Variants in CLVS2 observed in about 807,000 individuals in gnomAD.
CLVS2 encodes clavesin 2.
CLVS2 carries 19 observed loss-of-function variants against 29.0 expected under a neutral mutation model. That is an observed-to-expected ratio of 0.66 (90% CI 0.46 to 0.96). The LOEUF (loss-of-function observed/expected upper bound fraction) is 0.96, where lower values mean the gene tolerates loss of function less well. Ranked by LOEUF, CLVS2 falls within the 40% of genes least tolerant of loss-of-function variation. The pLI is 0.00. For missense variants in CLVS2, 294 were observed against 404.1 expected (o/e 0.73, Z 2.34); for synonymous variants, 161 against 151.3 (o/e 1.06, Z -0.47).
intron 2 of CLVS2, among the ~76,000 whole-genome samples, chr6:122,999,875 A>G (rs983469372): frequency 1.3e-5 from 2 of 152,190 alleles, no homozygotes; most frequent in Admixed American, 1.3e-4. Flanking sequence ...ACTAATATTC[A>G]TAATTATTTG....
At chr6:123,032,491 T>C (rs1054427246) in intron 3 of CLVS2, among the ~76,000 whole-genome samples, 2 of 152,132 alleles carry the variant, frequency 1.3e-5, no homozygotes, top group Non-Finnish European at 2.9e-5. Flanking sequence ...GAAGCAGGCA[T>C]TGGTGTCTTA....
intron 4 of CLVS2, among the ~76,000 whole-genome samples, chr6:123,052,147 G>A (rs1487169198): frequency 6.6e-6 from 1 of 152,184 alleles, no homozygotes; most frequent in Non-Finnish European, 1.5e-5. Flanking sequence ...TTAGAAGTTG[G>A]GAGGTGCTGT....
At position 123,022,964 on chromosome 6, in the gene CLVS2, A is replaced by G. The variant is rs899779558; in HGVS notation, c.564+11805A>G. ...ACATAAGGTGGATGATAAACATCAA[A>G]GCAGGTCCTATTAAATGCTAAATGT... On this transcript the variant is annotated intron_variant, in intron 3 of 5. Coordinates refer to ENST00000275162, the MANE Select transcript of CLVS2 (RefSeq NM_001010852.4). Among the ~76,000 whole-genome samples, 6 of 152,156 alleles carry G rather than the reference A, an allele frequency of 3.9e-5. No individual in the cohort carries two copies. In the East Asian group the frequency reaches 1.2e-3, roughly 29 times the overall value.
intron 3 of CLVS2, among the ~76,000 whole-genome samples, chr6:123,014,069 C>A (rs1183183030): frequency 5.9e-5 from 9 of 152,088 alleles, no homozygotes; most frequent in Non-Finnish European, 1.3e-4. Flanking sequence ...CGTTGTTGGA[C>A]ATTTAGGTTG....
intron 2 of CLVS2, among the ~76,000 whole-genome samples, chr6:123,005,963 T>G (rs796219171): frequency 2.6e-4 from 40 of 152,382 alleles, no homozygotes; most frequent in African/African-American, 9.1e-4. Context: ...TATATTATTG[T>G]GCACCCACAG....
intron 4 of CLVS2, among the ~76,000 whole-genome samples, chr6:123,052,866 G>C (rs1772633494): frequency 6.7e-6 from 1 of 149,752 alleles, no homozygotes; most frequent in Non-Finnish European, 1.5e-5. Context: ...TTTAAGTGGA[G>C]AGTGGAAATA....
At position 122,997,667 on chromosome 6, in the gene CLVS2, AAGCAGGC is replaced by A; in HGVS notation, c.-104_-98del. On this transcript the variant is annotated 5_prime_UTR_variant, in exon 2 of 6. Transcript: ENST00000275162. Reference sequence around the variant, plus strand: ...TTATTAATTTCCTGTAGGGGAGAGGAAGCAGGCAGCAGGAGGTCTGGGGGCTGGAGTC... The same window carrying A: ...TTATTAATTTCCTGTAGGGGAGAGGAAGCAGGAGGTCTGGGGGCTGGAGTC... The A allele has an allele frequency of 1.0e-6, 1 of 990,276 alleles. No homozygotes were observed. Among genetic ancestry groups the A allele is most frequent in the Non-Finnish European group, 1.5e-6 (1 of 657,736 alleles). 61.3% of individuals were successfully genotyped at this position (990,276 alleles called of 1,614,324 possible).
In CLVS2 at chr6:123,019,830, T is replaced by C. The variant is rs1257660236; in HGVS notation, c.564+8671T>C. On this transcript the variant is annotated intron_variant, in intron 3 of 5. Coordinates refer to ENST00000275162, the MANE Select transcript of CLVS2 (RefSeq NM_001010852.4). ...TTGAGACCTTGCAGGGCTGATGGTA[T>C]AGGTCCAGTTCAAGTCCAAAGGTCT... 4.6e-5 allele frequency among the ~76,000 whole-genome samples: 7 copies of C among 152,022 alleles called. No individual in the cohort carries two copies. The East Asian group carries it at 1.2e-3, about 25-fold the overall frequency.
intron 3 of CLVS2, among the ~76,000 whole-genome samples, chr6:123,017,728 G>T: frequency 6.6e-6 from 1 of 152,130 alleles, no homozygotes; most frequent in Non-Finnish European, 1.5e-5. Context: ...CAGCAAGCAG[G>T]CTAAGGATTA....
At position 123,024,355 on chromosome 6, in the gene CLVS2, A is replaced by G. The variant is rs1366270441; in HGVS notation, c.564+13196A>G. Among the ~76,000 whole-genome samples the G allele has an allele frequency of 3.3e-5, 5 of 152,154 alleles. No homozygotes were observed. In the South Asian group the frequency reaches 6.2e-4, roughly 19 times the overall value. On this transcript the variant is annotated intron_variant, in intron 3 of 5. Transcript: ENST00000275162. ...GATTTTCACTTTTGGGAATGTCACA[A>G]ATATTTTCTACTGAAACCACATGAA...
chr6:122,996,803 G>T, intron 1 of CLVS2, 57 bp downstream of exon 1: 1 of 164,090 alleles, frequency 6.1e-6, no homozygotes. Context: ...AAAAGATAAG[G>T]ACATTTTTAT....
chr6:123,062,498 G>T, intron 5 of CLVS2, among the ~76,000 whole-genome samples: 1 of 151,232 alleles, frequency 6.6e-6, no homozygotes, highest in African/African-American at 2.4e-5. Flanking sequence ...TTCCATGATA[G>T]GCATCTAATG....
chr6:123,056,090 C>T, intron 5 of CLVS2, 64 bp downstream of exon 5: 4 of 1,081,732 alleles, frequency 3.7e-6, no homozygotes, highest in Non-Finnish European at 5.6e-6. Flanking sequence ...CTGAGTCAAA[C>T]TCAAAGCTTT....
Position 123,064,627 on chromosome 6 carries a change from C to T in CLVS2, c.*866C>T, listed in dbSNP as rs1772826657. The T allele has an allele frequency of 6.6e-6, 1 of 151,710 alleles. No homozygotes were observed. Among genetic ancestry groups the T allele is most frequent in the Non-Finnish European group, 1.5e-5 (1 of 67,834 alleles). 9.4% of individuals were successfully genotyped at this position (151,710 alleles called of 1,614,324 possible). A position where few individuals can be genotyped will look rare whatever the true frequency, so the allele number is the denominator to read the frequency against. On this transcript the variant is annotated 3_prime_UTR_variant, in exon 6 of 6. Transcript: ENST00000275162. ...TTTTGAACATAAAATTTTCCACTTACAGATGAGGGGCTAATTTCTAATTGT... is the reference window on the plus strand; with the variant it reads ...TTTTGAACATAAAATTTTCCACTTATAGATGAGGGGCTAATTTCTAATTGT...
chr6:123,034,309 A>G (rs1775120952), intron 3 of CLVS2, among the ~76,000 whole-genome samples: 2 of 152,170 alleles, frequency 1.3e-5, no homozygotes, highest in Admixed American at 6.6e-5. Context: ...AAGTAACTCA[A>G]ATGTCCTAAA....
At chr6:123,000,911 C>T (rs77698473) in intron 2 of CLVS2, among the ~76,000 whole-genome samples, 5 of 152,054 alleles carry the variant, frequency 3.3e-5, no homozygotes, top group South Asian at 2.1e-4. Context: ...GAAGAAAATG[C>T]CTCAGTTTAT....
chr6:123,055,992 G>T lies in CLVS2; in HGVS notation c.862G>T (p.Val288Leu). The T allele has an allele frequency of 6.2e-7, 1 of 1,613,790 alleles. No individual in the cohort carries two copies. The highest frequency in any genetic ancestry group is 8.5e-7 in the Non-Finnish European group (1 of 1,179,824). ...VDSYSMPVKE[V>L]EKELSPKSMK... ...CTCCTACAGCATGCCTGTGAAGGAA[G>T]TAGAGAAGGAACTCTCCCCAAAGTC... Residue 288 changes from valine to leucine, a missense_variant, in exon 5 of 6, where the codon GTA becomes TTA. By Grantham distance (32) the Val-to-Leu change is conservative. This residue lies in a region of CLVS2 where 82 missense variants were observed against 67.8 expected (regional missense o/e 1.21). Transcript: ENST00000275162.
chr6:123,026,564 C>A (rs1282095966), intron 3 of CLVS2, among the ~76,000 whole-genome samples: 2 of 151,912 alleles, frequency 1.3e-5, no homozygotes, highest in African/African-American at 4.8e-5. Context: ...ACATTTGGGG[C>A]CACAAAGGAA....
rs1490241734 is a variant in CLVS2, at chr6:123,064,637, G to A, written c.*876G>A. 3.3e-5 allele frequency: 5 copies of A among 151,374 alleles called. No homozygotes were observed. Among genetic ancestry groups the A allele is most frequent in the African/African-American group, 1.2e-4 (5 of 41,214 alleles). 9.4% of individuals were successfully genotyped at this position (151,374 alleles called of 1,614,324 possible). ...AAAATTTTCCACTTACAGATGAGGG[G>A]CTAATTTCTAATTGTTGTGCACTGG... On this transcript the variant is annotated 3_prime_UTR_variant, in exon 6 of 6. Transcript: ENST00000275162.
Sources: allele counts gnomAD v4.1 joint callset (sites outside exome capture counted in the v4.1 genomes callset), GRCh38; gene constraint gnomAD v4.1.1; regional missense constraint gnomAD v4.1.1; transcripts MANE v1.5; gene names NCBI Gene and HGNC (gene_info 2026-07-23, HGNC 2026-07-21).